The following ANKAR variants were observed in gnomAD, a reference collection of about 807,000 sequenced individuals.
ANKAR encodes the protein ankyrin and armadillo repeat-containing protein.
A neutral mutation model predicts 146.2 loss-of-function variants in ANKAR; 136 were observed. That is an observed-to-expected ratio of 0.93 (90% confidence interval 0.81 to 1.07). ANKAR has a LOEUF of 1.07. Ranked by LOEUF, ANKAR falls within the 50% of genes least tolerant of loss-of-function variation. ANKAR has a pLI of 0.00. For synonymous variants in ANKAR, 500 were observed against 575.8 expected, an observed-to-expected ratio of 0.87 and a Z score of 1.88; for missense variants, 1,567 against 1,679.9, an observed-to-expected ratio of 0.93 and a Z score of 1.18.
At chr2:189,718,766 G>A (rs189257039) in intron 10 of ANKAR, among the ~76,000 whole-genome samples, 1,464 of 134,322 alleles carry the variant, frequency 0.011, 34 homozygotes, top group African/African-American at 0.039. Context: ...TTTTTGAGAC[G>A]GAGTCTCGCT....
downstream of ANKAR, chr2:189,762,952 A>G: frequency 4.1e-6 from 4 of 985,340 alleles, no homozygotes; most frequent in Non-Finnish European, 4.8e-6. Flanking sequence ...GTTCTGTAAA[A>G]TTACACAGCT....
intron 9 of ANKAR, 91 bp downstream of exon 9, chr2:189,707,237 C>G (rs1175205583): frequency 1.7e-6 from 1 of 573,684 alleles, no homozygotes; most frequent in East Asian, 3.4e-5. Flanking sequence ...ATAATACATG[C>G]ATTATATTTT....
chr2:189,721,073 C>T (rs527645207), intron 12 of ANKAR, among the ~76,000 whole-genome samples: 4 of 152,238 alleles, frequency 2.6e-5, no homozygotes, highest in South Asian at 2.1e-4. Flanking sequence ...CTGCAAACTC[C>T]GCCTCCCGGG....
intron 9 of ANKAR, 125 bp downstream of exon 9, chr2:189,707,271 A>C (rs1308575731): frequency 1.5e-5 from 7 of 476,022 alleles, no homozygotes; most frequent in Non-Finnish European, 2.4e-5. Context: ...TCATGAAATA[A>C]ACATTTTATT....
chr2:189,702,419 G>A (rs1301355183), intron 7 of ANKAR, among the ~76,000 whole-genome samples: 1 of 152,152 alleles, frequency 6.6e-6, no homozygotes, highest in African/African-American at 2.4e-5. Context: ...TCTAGCAATT[G>A]TGAATTAATG....
Position 189,719,677 on chromosome 2 carries a change from A to G in ANKAR, c.2330A>G (p.His777Arg). Residue 777 changes from histidine (H) to arginine (R), a missense_variant, in exon 11 of 23, where the codon CAT (histidine) becomes CGT (arginine). Transcript: ENST00000684021. Reference sequence around the variant, plus strand: ...ATCTCAACCCACAAAAGTGCAGTGCATGCTTTGGTAGAAGCGGGAGGCATT... The same window carrying G: ...ATCTCAACCCACAAAAGTGCAGTGCGTGCTTTGGTAGAAGCGGGAGGCATT... The part of the protein sequence containing the change: ...SNISTHKSAV[H>R]ALVEAGGIPS... 6.2e-7 allele frequency: 1 copy of G among 1,614,228 alleles called. No homozygotes were observed. The highest frequency in any genetic ancestry group is 8.5e-7 in the Non-Finnish European group (1 of 1,180,040).
chr2:189,714,589 A>G (rs1345860042), intron 10 of ANKAR, among the ~76,000 whole-genome samples: 1 of 152,216 alleles, frequency 6.6e-6, no homozygotes, highest in Admixed American at 6.5e-5. Context: ...ATGTACCAGA[A>G]TCTCTGGGAC....
At chr2:189,692,464 T>C in intron 4 of ANKAR, 46 bp downstream of exon 4, 4 of 1,553,468 alleles carry the variant, frequency 2.6e-6, no homozygotes, top group Non-Finnish European at 3.5e-6. Flanking sequence ...CACAACTCTT[T>C]TATCCTATTC....
Position 189,743,279 on chromosome 2 carries a change from G to T in ANKAR, c.3815G>T (p.Arg1272Leu). 6.2e-7 allele frequency: 1 copy of T among 1,612,936 alleles called. No individual in the cohort carries two copies. Among genetic ancestry groups the T allele is most frequent in the Non-Finnish European group, 8.5e-7 (1 of 1,179,296 alleles). ...YHLYSGIEEV[R>L]AACSSALGYL... ...AAGAATTGTTTCTTCATTTAGGTTCGTGCAGCTTGTTCCTCTGCTCTTGGC... is the reference window on the plus strand; with the variant it reads ...AAGAATTGTTTCTTCATTTAGGTTCTTGCAGCTTGTTCCTCTGCTCTTGGC... Residue 1272 changes from arginine to leucine, a missense_variant, in exon 21 of 23, where the codon CGT (arginine) becomes CTT (leucine). Physicochemically the swap from Arg to Leu is moderately radical, Grantham distance 102 (BLOSUM62 -2). Coordinates refer to ENST00000684021, the MANE Select transcript of ANKAR (RefSeq NM_001378068.1).
intron 18 of ANKAR, among the ~76,000 whole-genome samples, chr2:189,759,888 A>G (rs112945032): frequency 0.038 from 5,732 of 152,246 alleles, 158 homozygotes; most frequent in African/African-American, 0.067. Flanking sequence ...TGGTTTTCCT[A>G]GGCAGAGGAC....
intron 5 of ANKAR, 28 bp from the exon 6 acceptor site, chr2:189,694,953 A>G: frequency 7.3e-7 from 1 of 1,369,732 alleles, no homozygotes; most frequent in Non-Finnish European, 9.6e-7. Context: ...AGTTAGAGAA[A>G]CATCTTTTTT....
At chr2:189,683,136 A>C (rs1386705480) in intron 2 of ANKAR, among the ~76,000 whole-genome samples, 1 of 152,214 alleles carries the variant, frequency 6.6e-6, no homozygotes, top group Non-Finnish European at 1.5e-5. Context: ...GGTCCTCATC[A>C]GACACCACAT....
chr2:189,753,783 T>C (rs2045652576), intron 18 of ANKAR: 1 of 979,514 alleles, frequency 1.0e-6, no homozygotes. Flanking sequence ...TTTCCTATCC[T>C]GCATAATTTC....
downstream of ANKAR, chr2:189,762,746 C>T (rs1008732628): frequency 4.2e-5 from 41 of 985,444 alleles, no homozygotes; most frequent in Non-Finnish European, 4.0e-5. Flanking sequence ...CTGTCGACTG[C>T]CCTTATCGCT....
At chr2:189,758,386 G>GA (rs1008162705) in intron 18 of ANKAR, among the ~76,000 whole-genome samples, 98 of 147,016 alleles carry the variant, frequency 6.7e-4, no homozygotes, top group African/African-American at 2.2e-3. Context: ...CATCTCAAAA[G>GA]AAAAAAAAAA....
chr2:189,715,172 C>A (rs1410756306), intron 10 of ANKAR, among the ~76,000 whole-genome samples: 5 of 151,860 alleles, frequency 3.3e-5, no homozygotes, highest in Non-Finnish European at 5.9e-5. Flanking sequence ...AAAAGATCAA[C>A]AAAACTGATA....
At chr2:189,709,946 G>C (rs975568724) in intron 9 of ANKAR, among the ~76,000 whole-genome samples, 9 of 152,196 alleles carry the variant, frequency 5.9e-5, no homozygotes, top group African/African-American at 2.2e-4. Flanking sequence ...CAGCCATTGT[G>C]GGGGAAGTCC....
intron 2 of ANKAR, among the ~76,000 whole-genome samples, chr2:189,688,715 G>A (rs958122765): frequency 2.6e-5 from 4 of 152,154 alleles, no homozygotes; most frequent in East Asian, 1.9e-4. Context: ...TCTAACATGC[G>A]TATTGAACAA....
At chr2:189,743,584 C>T in intron 21 of ANKAR, 110 bp downstream of exon 21, 1 of 972,884 alleles carries the variant, frequency 1.0e-6, no homozygotes, top group Non-Finnish European at 1.5e-6. Context: ...AACATATCTC[C>T]TGTATAGCAG....
Sources: gnomAD v4.1 joint callset for allele counts (sites outside exome capture counted in the v4.1 genomes callset) on GRCh38, gnomAD v4.1.1 for gene constraint, MANE v1.5 for transcripts, NCBI Gene and HGNC (gene_info 2026-07-23, HGNC 2026-07-21) for gene names.